Variants in KLK2 observed in about 807,000 individuals in gnomAD.
KLK2 encodes the protein kallikrein-2.
In KLK2, 17 loss-of-function variants were observed where a neutral mutation model predicts 23.0. That is an observed-to-expected ratio of 0.74 (90% CI 0.51 to 1.11). KLK2 has a LOEUF of 1.11. KLK2 is among the 50% of genes least tolerant of loss of function. The probability of loss-of-function intolerance (pLI) is 0.00; values close to 1 mark genes in which losing one functional copy is unlikely to be tolerated. For synonymous variants in KLK2, 140 were observed against 124.7 expected, an observed-to-expected ratio of 1.12 and a Z score of -0.82; for missense variants, 330 against 325.9, an observed-to-expected ratio of 1.01 and a Z score of -0.10.
In KLK2 at chr19:50,876,957, A is replaced by G; in HGVS notation, c.579A>G (p.Thr193=). 3.1e-6 allele frequency: 5 copies of G among 1,614,202 alleles called. No individual in the cohort carries two copies. The highest frequency in any genetic ancestry group is 4.2e-6 in the Non-Finnish European group (5 of 1,180,020). The change falls in exon 4 of 5, where the codon ACA becomes ACG. Residue 193 remains threonine (T), a synonymous_variant. Coordinates refer to ENST00000325321, the MANE Select transcript of KLK2 (RefSeq NM_005551.5). ...MCARAYSEKV[T]EFMLCAGLWT... ...CTAGAGCTTACTCTGAGAAGGTGAC[A>G]GAGTTCATGTTGTGTGCTGGGCTCT... is the stretch of plus-strand genomic sequence containing the variant.
intron 1 of KLK2, chr19:50,874,015 G>A (rs1477307970): frequency 6.4e-6 from 1 of 155,756 alleles, no homozygotes; most frequent in East Asian, 1.9e-4. Context: ...TCCCCCCGAG[G>A]CTATCTGGCC....
rs564658423 is a variant in KLK2 at position 50,878,791 on chromosome 19, C to T, written c.*232C>T. On this transcript the variant is annotated 3_prime_UTR_variant, in exon 5 of 5. Transcript: ENST00000325321. ...TTTCTGAAATGGGTATAATTTCGTC[C>T]TCTCCTTCGGAACACTGGCTGTCTC... The T allele has an allele frequency of 1.4e-4, 61 of 427,522 alleles. No homozygotes were observed. The highest frequency in any genetic ancestry group is 8.3e-4 in the African/African-American group (42 of 50,878). 26.5% of individuals were successfully genotyped at this position (427,522 alleles called of 1,614,324 possible). A position where few individuals can be genotyped will look rare whatever the true frequency, so the allele number is the denominator to read the frequency against.
chr19:50,873,888 A>C, intron 1 of KLK2: 1 of 252,466 alleles, frequency 4.0e-6, no homozygotes, highest in South Asian at 8.7e-5. Context: ...CAGTCCTACC[A>C]CAGTCTACTG....
chr19:50,874,963 T>C (rs1328699205), intron 2 of KLK2, 83 bp downstream of exon 2: 1 of 1,501,968 alleles, frequency 6.7e-7, no homozygotes, highest in Admixed American at 2.1e-5. Context: ...GGGTCACTTC[T>C]CAGGTGAGGC....
At chr19:50,873,861 C>T in intron 1 of KLK2, 3 of 317,086 alleles carry the variant, frequency 9.5e-6, no homozygotes, top group South Asian at 5.8e-5. Flanking sequence ...TATCACTGGG[C>T]TGCCTCCTGA....
intron 4 of KLK2, 104 bp from the exon 5 acceptor site, chr19:50,878,300 G>A (rs1049933189): frequency 2.7e-6 from 3 of 1,098,204 alleles, no homozygotes; most frequent in Non-Finnish European, 4.0e-6. Flanking sequence ...TGAGAGCTGG[G>A]AATTGCTCTC....
At chr19:50,878,001 G>T (rs570993890) in intron 4 of KLK2, among the ~76,000 whole-genome samples, 1 of 152,194 alleles carries the variant, frequency 6.6e-6, no homozygotes, top group African/African-American at 2.4e-5. Flanking sequence ...CCCTGCCCAC[G>T]GCCCTCCATG....
At position 50,879,744 on chromosome 19, in the gene KLK2, A is replaced by C. The variant is rs1297733442; in HGVS notation, c.*1185A>C. The C allele has an allele frequency of 3.9e-5, 9 of 229,442 alleles. No homozygotes were observed. The highest frequency in any genetic ancestry group is 6.0e-5 in the Non-Finnish European group (7 of 115,742). 14.2% of individuals were successfully genotyped at this position (229,442 alleles called of 1,614,324 possible). ...GTACAAAAACAGGGATTCATCACAA[A>C]TCCCATCTTTAGCATGAAGGGTCTG... On this transcript the variant is annotated 3_prime_UTR_variant, in exon 5 of 5. Transcript: ENST00000325321.
chr19:50,873,565 T>A, intron 1 of KLK2, 46 bp downstream of exon 1: 1 of 1,389,376 alleles, frequency 7.2e-7, no homozygotes, highest in Non-Finnish European at 1.0e-6. Context: ...CTGACTCTTA[T>A]GCTGAAGCCC....
chr19:50,879,364 T>A lies in KLK2; in HGVS notation c.*805T>A. The A allele has an allele frequency of 4.3e-6, 1 of 232,636 alleles. No individual in the cohort carries two copies. The highest frequency in any genetic ancestry group is 8.5e-6 in the Non-Finnish European group (1 of 117,656). The allele number at this position is 232,636 out of a possible 1,614,324, so 14.4% of individuals were successfully genotyped here. A position where few individuals can be genotyped will look rare whatever the true frequency, so the allele number is the denominator to read the frequency against. On this transcript the variant is annotated 3_prime_UTR_variant, in exon 5 of 5. Transcript: ENST00000325321. ...GACTGGCAACTTGGCTTTACTAAGT[T>A]TTCAGACTGGCAGGAAGTCAAACCT...
intron 2 of KLK2, among the ~76,000 whole-genome samples, chr19:50,875,212 C>T (rs2090270916): frequency 6.6e-6 from 1 of 152,128 alleles, no homozygotes; most frequent in Non-Finnish European, 1.5e-5. Context: ...CTCTCTGTGG[C>T]CATCTCTGTC....
At chr19:50,877,492 G>A (rs2090301670) in intron 4 of KLK2, 2 of 176,766 alleles carry the variant, frequency 1.1e-5, no homozygotes, top group Non-Finnish European at 1.2e-5. Context: ...TGCAGGGGAG[G>A]GGAGAGCCCT....
At chr19:50,877,739 G>C (rs1461730605) in intron 4 of KLK2, 1 of 154,430 alleles carries the variant, frequency 6.5e-6, no homozygotes, top group Non-Finnish European at 1.4e-5. Flanking sequence ...GACAGAAGAA[G>C]GACAGGGCCT....
Position 50,878,514 on chromosome 19 carries a change from G to C in KLK2, c.741G>C (p.Val247=). The C allele has an allele frequency of 1.9e-6, 3 of 1,614,052 alleles. No individual in the cohort carries two copies. The highest frequency in any genetic ancestry group is 2.5e-6 in the Non-Finnish European group (3 of 1,179,954). ...AGCCTGCTGTGTACACCAAGGTGGT[G>C]CATTACCGGAAGTGGATCAAGGACA... is the stretch of plus-strand genomic sequence containing the variant. ...PEKPAVYTKV[V]HYRKWIKDTI... The change falls in exon 5 of 5, where the codon GTG becomes GTC. Residue 247 remains valine, a synonymous_variant. Transcript: ENST00000325321.
chr19:50,873,456 G>T lies in KLK2; in HGVS notation c.-18G>T. The T allele has an allele frequency of 6.3e-7, 1 of 1,590,068 alleles. No individual in the cohort carries two copies. The highest frequency in any genetic ancestry group is 8.6e-7 in the Non-Finnish European group (1 of 1,165,564). ...CCAGCCCCAAACTCACCACCTGGCC[G>T]TGGACACCTGTGTCAGCATGTGGGA... On this transcript the variant is annotated 5_prime_UTR_variant, in exon 1 of 5. Coordinates refer to ENST00000325321, the MANE Select transcript of KLK2 (RefSeq NM_005551.5).
chr19:50,875,660 G>T (rs530855469), intron 2 of KLK2: 1 of 152,432 alleles, frequency 6.6e-6, no homozygotes, highest in Non-Finnish European at 1.5e-5. Context: ...GTAGCCAGGC[G>T]TGGTGCTGCG....
chr19:50,877,157 C>CT (rs760902858), intron 4 of KLK2, 149 bp downstream of exon 4: 4 of 907,660 alleles, frequency 4.4e-6, no homozygotes, highest in Non-Finnish European at 6.9e-6. Context: ...TGCCGCCCTC[C>CT]TTCCCCCTTC....
At position 50,877,125 on chromosome 19, in the gene KLK2, C is replaced by T. The variant is rs769798171; in HGVS notation, c.630+117C>T. The T allele has an allele frequency of 5.7e-4, 773 of 1,364,010 alleles. 1 individual carries two copies. The highest frequency in any genetic ancestry group is 7.3e-4 in the Non-Finnish European group (707 of 970,836). The allele number at this position is 1,364,010 out of a possible 1,614,324, so 84.5% of individuals were successfully genotyped here. On this transcript the variant is annotated intron_variant, in intron 4 of 4. Coordinates refer to ENST00000325321, the MANE Select transcript of KLK2 (RefSeq NM_005551.5). ...CTCCCCTGCTCCCCAGCTATAGCCA[C>T]GCCCCCTCCCCATGCCTCATCTGCC... is the stretch of plus-strand genomic sequence containing the variant.
At position 50,880,414 on chromosome 19, in the gene KLK2, A is replaced by C. The variant is rs1007929774; in HGVS notation, c.*1855A>C. The C allele has an allele frequency of 9.1e-6, 2 of 220,936 alleles. No homozygotes were observed. Among genetic ancestry groups the C allele is most frequent in the African/African-American group, 4.5e-5 (2 of 44,590 alleles). The allele number at this position is 220,936 out of a possible 1,614,324, so 13.7% of individuals were successfully genotyped here. ...GGTAGTGAAACTCATTAGGCTGAGAACCTTGTGGAATGCAGCTGACCCAGC... is the reference window on the plus strand; with the variant it reads ...GGTAGTGAAACTCATTAGGCTGAGACCCTTGTGGAATGCAGCTGACCCAGC... On this transcript the variant is annotated 3_prime_UTR_variant, in exon 5 of 5. Coordinates refer to ENST00000325321, the MANE Select transcript of KLK2 (RefSeq NM_005551.5).
Sources: allele counts gnomAD v4.1 joint callset (sites outside exome capture counted in the v4.1 genomes callset), GRCh38; gene constraint gnomAD v4.1.1; transcripts MANE v1.5; gene names NCBI Gene and HGNC (gene_info 2026-07-23, HGNC 2026-07-21).